Variants in ARB2A observed in about 807,000 individuals in gnomAD.
ARB2A encodes the protein ARB2 cotranscriptional regulator A, also known as cotranscriptional regulator ARB2A.
the ARB2A span, among the ~76,000 whole-genome samples, chr5:93,758,664 C>T: frequency 6.6e-6 from 1 of 152,010 alleles, no homozygotes; most frequent in Non-Finnish European, 1.5e-5. Flanking sequence ...AAAACAAAAT[C>T]AAGATGGAAA....
the ARB2A span, among the ~76,000 whole-genome samples, chr5:93,851,117 T>C: frequency 1.1e-4 from 17 of 152,218 alleles, no homozygotes; most frequent in African/African-American, 3.4e-4. Context: ...GGGACTGTTA[T>C]AGACAGACTG....
At chr5:93,640,419 A>T in the ARB2A span, among the ~76,000 whole-genome samples, 2 of 151,700 alleles carry the variant, frequency 1.3e-5, no homozygotes, top group Non-Finnish European at 2.9e-5. Flanking sequence ...ACTGCACTCC[A>T]GCCTGGGCGA....
chr5:93,881,173 G>A, the ARB2A span: 12 of 234,126 alleles, frequency 5.1e-5, no homozygotes, highest in East Asian at 1.3e-3. Context: ...CAAGTTTTCT[G>A]CCTTCTGCAT....
chr5:93,924,492 G>A, the ARB2A span, among the ~76,000 whole-genome samples: 1 of 152,162 alleles, frequency 6.6e-6, no homozygotes, highest in African/African-American at 2.4e-5. Flanking sequence ...CAGAGAGAGT[G>A]CCAATTTGTA....
At chr5:93,796,286 A>G in the ARB2A span, among the ~76,000 whole-genome samples, 17 of 152,250 alleles carry the variant, frequency 1.1e-4, no homozygotes, top group African/African-American at 3.6e-4. Flanking sequence ...TTTTGCCTCT[A>G]GAAATTCAGG....
chr5:93,641,243 T>C, the ARB2A span, among the ~76,000 whole-genome samples: 36 of 152,018 alleles, frequency 2.4e-4, no homozygotes, highest in East Asian at 1.9e-4. Flanking sequence ...TCTTTTTTTT[T>C]CAAGTGTTTT....
chr5:93,997,537 C>T, the ARB2A span, among the ~76,000 whole-genome samples: 1 of 152,024 alleles, frequency 6.6e-6, no homozygotes, highest in African/African-American at 2.4e-5. Context: ...TCGAAACCCA[C>T]ACTTAATGTT....
the ARB2A span, among the ~76,000 whole-genome samples, chr5:93,813,711 C>CCGAGGGCG: frequency 6.6e-6 from 1 of 152,110 alleles, no homozygotes; most frequent in Non-Finnish European, 1.5e-5. Flanking sequence ...TCTGCTGGTA[C>CCGAGGGCG]TTTTATTTTG....
the ARB2A span, chr5:93,740,809 T>C: frequency 1.9e-6 from 3 of 1,613,500 alleles, no homozygotes; most frequent in Non-Finnish European, 2.5e-6. Context: ...TCGAACCACA[T>C]CCTTCTGCAG....
the ARB2A span, among the ~76,000 whole-genome samples, chr5:93,993,363 A>G: frequency 6.6e-6 from 1 of 152,144 alleles, no homozygotes; most frequent in Non-Finnish European, 1.5e-5. Flanking sequence ...GTGACAGAAG[A>G]CTTTAAGAGA....
chr5:93,909,545 T>G, the ARB2A span, among the ~76,000 whole-genome samples: 1 of 150,942 alleles, frequency 6.6e-6, no homozygotes, highest in African/African-American at 2.4e-5. Context: ...CCTTTTTATT[T>G]CCCCATGATC....
chr5:93,856,134 T>C, the ARB2A span, among the ~76,000 whole-genome samples: 3 of 152,212 alleles, frequency 2.0e-5, no homozygotes, highest in Admixed American at 6.5e-5. Flanking sequence ...TTCTGGCTTG[T>C]AGGGTTTCTG....
the ARB2A span, among the ~76,000 whole-genome samples, chr5:93,645,821 C>T: frequency 1.3e-5 from 2 of 151,912 alleles, no homozygotes; most frequent in Non-Finnish European, 1.5e-5. Flanking sequence ...TGCATTTGAC[C>T]CAAATGTAAC....
At chr5:93,794,437 A>C in the ARB2A span, among the ~76,000 whole-genome samples, 1 of 151,608 alleles carries the variant, frequency 6.6e-6, no homozygotes, top group African/African-American at 2.4e-5. Context: ...CAGAGATTTC[A>C]TCTTGGTTTG....
the ARB2A span, among the ~76,000 whole-genome samples, chr5:94,029,884 T>A: frequency 1.3e-5 from 2 of 152,210 alleles, no homozygotes; most frequent in Admixed American, 6.5e-5. Flanking sequence ...CAAGACTGGA[T>A]ACTTTATAAA....
chr5:93,673,128 T>C, the ARB2A span, among the ~76,000 whole-genome samples: 2 of 152,252 alleles, frequency 1.3e-5, no homozygotes, highest in African/African-American at 2.4e-5. Flanking sequence ...CTTTTTCTAC[T>C]TTACACTGTA....
the ARB2A span, among the ~76,000 whole-genome samples, chr5:93,688,551 T>C: frequency 1.6e-4 from 24 of 152,316 alleles, 1 homozygote; most frequent in Admixed American, 1.3e-3. Flanking sequence ...AGTTTTCCTT[T>C]CTCCTTCATA....
chr5:93,966,696 C>A, the ARB2A span, among the ~76,000 whole-genome samples: 1 of 152,030 alleles, frequency 6.6e-6, no homozygotes, highest in Non-Finnish European at 1.5e-5. Context: ...CTCTAGTCAT[C>A]CTCCAAAATA....
At chr5:94,013,403 C>T in the ARB2A span, among the ~76,000 whole-genome samples, 4 of 151,908 alleles carry the variant, frequency 2.6e-5, no homozygotes, top group African/African-American at 9.7e-5. Context: ...GTCTTGAACC[C>T]CTGACCTCGT....
Sources: gnomAD v4.1 joint callset for allele counts (sites outside exome capture counted in the v4.1 genomes callset) on GRCh38, gnomAD v4.1.1 for gene constraint, MANE v1.5 for transcripts, NCBI Gene and HGNC (gene_info 2026-07-23, HGNC 2026-07-21) for gene names.